Variants in AKT3 observed in about 807,000 individuals in gnomAD.
AKT3 encodes the protein AKT serine/threonine kinase 3.
AKT3 carries 15 observed loss-of-function variants against 65.3 expected under a neutral mutation model. The observed-to-expected ratio is 0.23, with a 90% CI of 0.15 to 0.35. AKT3 has a LOEUF of 0.35. Ranked by LOEUF, AKT3 falls within the 10% of genes least tolerant of loss-of-function variation. AKT3 has a pLI of 1.00. For missense variants in AKT3, 243 were observed against 576.5 expected, an observed-to-expected ratio of 0.42 and a Z score of 5.92; for synonymous variants, 206 against 183.8, an observed-to-expected ratio of 1.12 and a Z score of -0.98.
intron 8 of AKT3, among the ~76,000 whole-genome samples, chr1:243,585,653 T>C (rs900012400): frequency 6.6e-6 from 1 of 152,136 alleles, no homozygotes; most frequent in African/African-American, 2.4e-5. Context: ...GACTCCTTAT[T>C]CAATATATGG....
intron 2 of AKT3, among the ~76,000 whole-genome samples, chr1:243,745,021 G>C (rs1044342394): frequency 1.3e-5 from 2 of 152,000 alleles, no homozygotes; most frequent in African/African-American, 4.8e-5. Context: ...TCTTACTGAA[G>C]CTCTCAGTTC....
At chr1:243,836,092 T>C (rs911329753) in intron 2 of AKT3, among the ~76,000 whole-genome samples, 2 of 151,992 alleles carry the variant, frequency 1.3e-5, no homozygotes, top group African/African-American at 4.8e-5. Flanking sequence ...AAGGTAAAGA[T>C]TGTCAAATTA....
intron 2 of AKT3, among the ~76,000 whole-genome samples, chr1:243,782,740 T>TA (rs1168390665): frequency 6.6e-6 from 1 of 152,118 alleles, no homozygotes; most frequent in East Asian, 1.9e-4. Flanking sequence ...AATAAAAGAT[T>TA]AGATTCCTTT....
intron 2 of AKT3, among the ~76,000 whole-genome samples, chr1:243,720,583 C>T (rs1686825859): frequency 6.6e-6 from 1 of 151,922 alleles, no homozygotes; most frequent in South Asian, 2.1e-4. Flanking sequence ...CCTGACTTGG[C>T]CTGTCTGCTC....
chr1:243,598,019 T>A (rs1389004022), intron 8 of AKT3, among the ~76,000 whole-genome samples: 1 of 152,198 alleles, frequency 6.6e-6, no homozygotes, highest in Non-Finnish European at 1.5e-5. Context: ...ATAATTAATG[T>A]ACTGATTTAT....
In AKT3 at chr1:243,513,832, T is replaced by C. The variant is rs191429933; in HGVS notation, c.1252-1406A>G. The stretch of plus-strand genomic sequence containing the variant: ...CCAGTGGCAAGGAGAAGCCTGCCAT[T>C]GTGCCAGACCATATTTCTTTCTAGC... On this transcript the variant is annotated intron_variant, in intron 12 of 13. Coordinates refer to ENST00000673466, the MANE Select transcript of AKT3 (RefSeq NM_005465.7). Among the ~76,000 whole-genome samples the C allele has an allele frequency of 7.0e-4, 107 of 152,200 alleles. No individual in the cohort carries two copies. In the East Asian group the frequency reaches 0.017, roughly 25 times the overall value.
chr1:243,607,796 T>C (rs998787967), intron 8 of AKT3, among the ~76,000 whole-genome samples: 10 of 152,154 alleles, frequency 6.6e-5, no homozygotes, highest in African/African-American at 2.4e-4. Context: ...CCCCATGTCA[T>C]GGGAGGGCCC....
intron 4 of AKT3, among the ~76,000 whole-genome samples, chr1:243,662,571 G>T (rs1387728053): frequency 2.6e-5 from 3 of 114,384 alleles, no homozygotes; most frequent in Non-Finnish European, 5.2e-5. Context: ...TGGGGGGAGG[G>T]GGGAGGGATA....
chr1:243,565,263 A>G (rs954959315), intron 9 of AKT3, among the ~76,000 whole-genome samples: 1 of 152,140 alleles, frequency 6.6e-6, no homozygotes, highest in African/African-American at 2.4e-5. Flanking sequence ...ACAGAGTCTC[A>G]CTCTGCCACC....
intron 2 of AKT3, among the ~76,000 whole-genome samples, chr1:243,751,946 A>C (rs892972962): frequency 6.6e-6 from 1 of 151,988 alleles, no homozygotes; most frequent in African/African-American, 2.4e-5. Flanking sequence ...TTTATACCCC[A>C]CTCAACCAAA....
At chr1:243,605,186 T>C (rs755422097) in intron 8 of AKT3, among the ~76,000 whole-genome samples, 1 of 151,772 alleles carries the variant, frequency 6.6e-6, no homozygotes, top group Non-Finnish European at 1.5e-5. Context: ...CACATCACCA[T>C]ACATGGCTAA....
chr1:243,815,429 T>A (rs1693449369), intron 2 of AKT3, among the ~76,000 whole-genome samples: 1 of 152,160 alleles, frequency 6.6e-6, no homozygotes, highest in Non-Finnish European at 1.5e-5. Flanking sequence ...CTTTAAGCCC[T>A]CGAGCAAAGC....
At chr1:243,816,799 A>C (rs1693552923) in intron 2 of AKT3, among the ~76,000 whole-genome samples, 1 of 152,200 alleles carries the variant, frequency 6.6e-6, no homozygotes. Flanking sequence ...AAGGGCAGAT[A>C]AGGAGGATAG....
At chr1:243,513,056 A>G (rs1188108580) in intron 12 of AKT3, among the ~76,000 whole-genome samples, 1 of 152,224 alleles carries the variant, frequency 6.6e-6, no homozygotes, top group Non-Finnish European at 1.5e-5. Flanking sequence ...GAAGAGATTA[A>G]GAGTAGCTCC....
At position 243,529,927 on chromosome 1, in the gene AKT3, A is replaced by G. The variant is rs1015448056; in HGVS notation, c.1251+15583T>C. Among the ~76,000 whole-genome samples the G allele has an allele frequency of 9.9e-5, 15 of 152,234 alleles. No individual in the cohort carries two copies. In the East Asian group the frequency reaches 2.7e-3, roughly 27 times the overall value. ...TCAACAATATTGATTCTTCCCAACC[A>G]TGAGCATGGAATGTTTTTCCATTTG... is the stretch of plus-strand genomic sequence containing the variant. On this transcript the variant is annotated intron_variant, in intron 12 of 13. Coordinates refer to ENST00000673466, the MANE Select transcript of AKT3 (RefSeq NM_005465.7).
At chr1:243,839,011 AT>A (rs1695071287) in intron 2 of AKT3, among the ~76,000 whole-genome samples, 1 of 152,214 alleles carries the variant, frequency 6.6e-6, no homozygotes, top group South Asian at 2.1e-4. Context: ...CAGTAACATT[AT>A]GAATTGACTA....
intron 2 of AKT3, among the ~76,000 whole-genome samples, chr1:243,750,582 T>C (rs1475239918): frequency 1.3e-5 from 2 of 150,230 alleles, no homozygotes; most frequent in Non-Finnish European, 3.0e-5. Flanking sequence ...TTAAGGCTAA[T>C]CTTTTTTTTT....
chr1:243,585,409 C>G (rs1675720061), intron 8 of AKT3, among the ~76,000 whole-genome samples: 1 of 151,370 alleles, frequency 6.6e-6, no homozygotes, highest in South Asian at 2.1e-4. Flanking sequence ...TAACAAGAAA[C>G]CAAAAAAGAG....
Position 243,500,562 on chromosome 1 carries a change from AAAGT to A in AKT3, c.*4683_*4686del. The A allele has an allele frequency of 4.4e-6, 1 of 228,130 alleles. No individual in the cohort carries two copies. Among genetic ancestry groups the A allele is most frequent in the Non-Finnish European group, 8.7e-6 (1 of 114,864 alleles). 14.1% of individuals were successfully genotyped at this position (228,130 alleles called of 1,614,324 possible). ...ACACAATTAAGCCCTCAAATGCTTT[AAAGT>A]AATAAAAACGGACACTGGACATACC... On this transcript the variant is annotated 3_prime_UTR_variant, in exon 14 of 14. Coordinates refer to ENST00000673466, the MANE Select transcript of AKT3 (RefSeq NM_005465.7).
Sources: allele counts gnomAD v4.1 joint callset (sites outside exome capture counted in the v4.1 genomes callset), GRCh38; gene constraint gnomAD v4.1.1; transcripts MANE v1.5; gene names NCBI Gene and HGNC (gene_info 2026-07-23, HGNC 2026-07-21).